The following RBPJ variants were observed in gnomAD, a reference collection of about 807,000 sequenced individuals.
RBPJ encodes the protein recombining binding protein suppressor of hairless.
In RBPJ, 9 loss-of-function variants were observed where a neutral mutation model predicts 67.8. The ratio of observed to expected loss-of-function variants is 0.13; its 90% confidence interval spans 0.08 to 0.23. The LOEUF is 0.23. RBPJ is among the 10% of genes least tolerant of loss of function. The pLI is 1.00. For missense variants in RBPJ, 305 were observed against 595.6 expected (o/e 0.51, Z 5.08); for synonymous variants, 198 against 203.3 (o/e 0.97, Z 0.22).
Position 26,384,878 on chromosome 4 carries a change from GCCTCTCC to G in RBPJ, c.21-1462_21-1456del, listed in dbSNP as rs1205901466. 6.0e-3 allele frequency among the ~76,000 whole-genome samples: 189 copies of G among 31,260 alleles called. 4 individuals carry two copies. The highest frequency in any genetic ancestry group is 0.03 in the African/African-American group (178 of 5,872). 20.5% of individuals were successfully genotyped at this position (31,260 alleles called of 152,430 possible). ...TCTTGCCTCTCCCCTCCCGCCTCTC[GCCTCTCC>G]CCTCTCCCCTCTTGCCTCTTGCCTC... On this transcript the variant is annotated intron_variant, in intron 1 of 10. Coordinates refer to ENST00000355476, the MANE Select transcript of RBPJ (RefSeq NM_015874.6).
In RBPJ at chr4:26,221,951, G is replaced by T. The variant is rs373031199; in HGVS notation, c.-167+58337G>T. Among the ~76,000 whole-genome samples the T allele has an allele frequency of 2.0e-5, 3 of 152,266 alleles. No homozygotes were observed. In the East Asian group the frequency reaches 5.8e-4, roughly 29 times the overall value. ...GACTGGCAGGGCGGTGAGAGGGATGGGGGGAGGGCAGGAGTGAGGAGACGA... is the reference window on the plus strand; with the variant it reads ...GACTGGCAGGGCGGTGAGAGGGATGTGGGGAGGGCAGGAGTGAGGAGACGA... On this transcript the variant is annotated intron_variant, in intron 1 of 4. Coordinates refer to the RBPJ transcript ENST00000512351.
intron 1 of RBPJ, among the ~76,000 whole-genome samples, chr4:26,185,501 G>T (rs1159303298): frequency 2.6e-5 from 4 of 152,272 alleles, no homozygotes; most frequent in South Asian, 4.1e-4. Flanking sequence ...TATGGAGAAG[G>T]CCAGGAAAAA....
chr4:26,410,105 G>A, intron 3 of RBPJ: 1 of 451,996 alleles, frequency 2.2e-6, no homozygotes, highest in Non-Finnish European at 4.4e-6. Context: ...AACTGCCCTG[G>A]ATTCAGAGAA....
chr4:26,232,176 A>T (rs1446378940), intron 1 of RBPJ, among the ~76,000 whole-genome samples: 1 of 152,126 alleles, frequency 6.6e-6, no homozygotes, highest in Non-Finnish European at 1.5e-5. Context: ...GATTACAGGC[A>T]TGAACCACCA....
intron 1 of RBPJ, among the ~76,000 whole-genome samples, chr4:26,368,958 T>C (rs1249382146): frequency 1.3e-5 from 2 of 152,206 alleles, no homozygotes; most frequent in Non-Finnish European, 2.9e-5. Flanking sequence ...AGGGAGCCAA[T>C]TTTCAATCCT....
the RBPJ span, chr4:26,112,372 G>A: frequency 1.6e-3 from 259 of 157,426 alleles, no homozygotes; most frequent in Non-Finnish European, 2.7e-3. Flanking sequence ...TTTAATGTAC[G>A]TGAGAAATTA....
chr4:26,304,927 A>G (rs1411861195), intron 1 of RBPJ, among the ~76,000 whole-genome samples: 1 of 151,968 alleles, frequency 6.6e-6, no homozygotes, highest in Admixed American at 6.6e-5. Flanking sequence ...CTAATCCAAG[A>G]TTATGAAGAT....
chr4:26,299,940 C>G (rs1236503185), intron 1 of RBPJ, among the ~76,000 whole-genome samples: 1 of 152,134 alleles, frequency 6.6e-6, no homozygotes, highest in African/African-American at 2.4e-5. Flanking sequence ...CCGCCTCGGC[C>G]TCCCAAAGTG....
At chr4:26,396,080 A>C (rs1475034253) in intron 2 of RBPJ, among the ~76,000 whole-genome samples, 1 of 152,212 alleles carries the variant, frequency 6.6e-6, no homozygotes, top group Non-Finnish European at 1.5e-5. Flanking sequence ...TGACAGGTAA[A>C]ATATTCATGT....
intron 1 of RBPJ, among the ~76,000 whole-genome samples, chr4:26,360,727 G>T (rs769668130): frequency 6.6e-6 from 1 of 151,324 alleles, no homozygotes; most frequent in Non-Finnish European, 1.5e-5. Context: ...GACTACAGGT[G>T]CGCGTCACTA....
upstream of RBPJ, among the ~76,000 whole-genome samples, chr4:26,162,927 T>G (rs1716121441): frequency 6.6e-6 from 1 of 151,954 alleles, no homozygotes; most frequent in Non-Finnish European, 1.5e-5. Context: ...GGGCTTATGT[T>G]ACAGAAGGCT....
intron 1 of RBPJ, among the ~76,000 whole-genome samples, chr4:26,385,928 G>T (rs1225583412): frequency 1.3e-5 from 2 of 151,922 alleles, no homozygotes; most frequent in African/African-American, 4.8e-5. Context: ...TCAGCCTCCT[G>T]AGTAGCTGCA....
intron 1 of RBPJ, chr4:26,321,326 G>T: frequency 6.7e-6 from 1 of 149,402 alleles, no homozygotes; most frequent in South Asian, 1.8e-4. Flanking sequence ...GGGGCCCTCG[G>T]GCGCCGTGCC....
At chr4:26,163,843 G>A (rs557169227) in intron 1 of RBPJ, among the ~76,000 whole-genome samples, 1 of 152,346 alleles carries the variant, frequency 6.6e-6, no homozygotes, top group South Asian at 2.1e-4. Context: ...TCCGGCCTAG[G>A]CTGCAAAAGA....
intron 3 of RBPJ, among the ~76,000 whole-genome samples, chr4:26,414,822 A>G (rs1369710199): frequency 2.0e-5 from 3 of 152,196 alleles, no homozygotes; most frequent in Non-Finnish European, 2.9e-5. Flanking sequence ...AATACAGTGT[A>G]TTGTTCTTTG....
chr4:26,137,412 G>T, the RBPJ span, among the ~76,000 whole-genome samples: 3 of 152,048 alleles, frequency 2.0e-5, no homozygotes, highest in Non-Finnish European at 4.4e-5. Flanking sequence ...TTCTTTCTTG[G>T]CTCTAAACAA....
At chr4:26,288,011 A>G (rs1323390280) in intron 1 of RBPJ, among the ~76,000 whole-genome samples, 4 of 152,228 alleles carry the variant, frequency 2.6e-5, no homozygotes, top group African/African-American at 9.6e-5. Context: ...AAGATATTTG[A>G]GTACTTGAAT....
At chr4:26,124,145 C>A in the RBPJ span, among the ~76,000 whole-genome samples, 2 of 151,540 alleles carry the variant, frequency 1.3e-5, no homozygotes, top group East Asian at 1.9e-4. Flanking sequence ...TTATGGGACA[C>A]CCATCAGCCG....
At chr4:26,386,705 G>A (rs1730954672) in intron 2 of RBPJ, among the ~76,000 whole-genome samples, 1 of 152,158 alleles carries the variant, frequency 6.6e-6, no homozygotes. Context: ...ATCACAATTT[G>A]TTGATTGCAG....
Sources: gnomAD v4.1 joint callset for allele counts (sites outside exome capture counted in the v4.1 genomes callset) on GRCh38, gnomAD v4.1.1 for gene constraint, MANE v1.5 for transcripts, NCBI Gene and HGNC (gene_info 2026-07-23, HGNC 2026-07-21) for gene names.